BIN2: variants seen among roughly 807,000 people sequenced by gnomAD.
BIN2 encodes breast cancer associated protein BRAP1.
A neutral mutation model predicts 67.9 loss-of-function variants in BIN2; 43 were observed. The observed-to-expected ratio is 0.63, with a 90% CI of 0.50 to 0.82. The LOEUF (loss-of-function observed/expected upper bound fraction) is 0.82. Among genes scored for constraint, BIN2 ranks in the 40% least tolerant of loss-of-function variants. The pLI is 0.00. For synonymous variants in BIN2, 244 were observed against 246.8 expected, an observed-to-expected ratio of 0.99 and a Z score of 0.11; for missense variants, 581 against 671.6, an observed-to-expected ratio of 0.87 and a Z score of 1.49.
intron 1 of BIN2, chr12:51,322,767 G>C (rs1946320318): frequency 6.7e-6 from 1 of 149,586 alleles, no homozygotes; most frequent in Non-Finnish European, 1.5e-5. Context: ...GTTAGGGTAA[G>C]TGAAGTAACG....
Position 51,285,693 on chromosome 12 carries a change from G to T in BIN2, c.1597-906C>A, listed in dbSNP as rs371970453. ...GGCTGGAGTGCAGTGGCGTGATCTT[G>T]GTTCACTGCAACCTCCACCTCCCAG... On this transcript the variant is annotated intron_variant, in intron 11 of 12. Coordinates refer to ENST00000615107, the MANE Select transcript of BIN2 (RefSeq NM_016293.4). Among the ~76,000 whole-genome samples, 39 of 146,746 alleles carry T rather than the reference G, an allele frequency of 2.7e-4. No individual in the cohort carries two copies. In the East Asian group the frequency reaches 7.2e-3, roughly 27 times the overall value.
chr12:51,314,787 G>A (rs951958467), intron 1 of BIN2, among the ~76,000 whole-genome samples: 5 of 147,898 alleles, frequency 3.4e-5, no homozygotes, highest in South Asian at 2.1e-4. Context: ...CAACAAGAGC[G>A]AAACTCTGTC....
At chr12:51,299,087 A>G in intron 7 of BIN2, 116 bp downstream of exon 7, 1 of 621,672 alleles carries the variant, frequency 1.6e-6, no homozygotes, top group Non-Finnish European at 2.7e-6. Context: ...AAAAAAAAAA[A>G]AGGGGGCGGG....
At chr12:51,288,360 T>A (rs1945294835) in intron 10 of BIN2, among the ~76,000 whole-genome samples, 172 bp from the exon 11 acceptor site, 1 of 152,134 alleles carries the variant, frequency 6.6e-6, no homozygotes, top group Admixed American at 6.6e-5. Context: ...GTCAGAAATC[T>A]CACACACTTC....
chr12:51,294,774 C>T (rs11836817), intron 9 of BIN2, among the ~76,000 whole-genome samples: 5,683 of 151,940 alleles, frequency 0.037, 249 homozygotes, highest in African/African-American at 0.11. Context: ...TGTAACATAG[C>T]GGTTACCTTT....
At chr12:51,302,805 C>T in intron 3 of BIN2, 25 bp from the exon 4 acceptor site, 1 of 1,577,532 alleles carries the variant, frequency 6.3e-7, no homozygotes, top group African/African-American at 1.3e-5. Context: ...TTCAGTCCCA[C>T]CATCATGTTT....
chr12:51,318,717 C>G (rs1034136663), intron 1 of BIN2, among the ~76,000 whole-genome samples: 2 of 152,170 alleles, frequency 1.3e-5, no homozygotes, highest in African/African-American at 4.8e-5. Flanking sequence ...ACTTTTGAGC[C>G]TCGGTTTACA....
chr12:51,302,650 A>C (rs1276789484), intron 4 of BIN2, 36 bp downstream of exon 4: 1 of 1,526,880 alleles, frequency 6.5e-7, no homozygotes, highest in South Asian at 1.1e-5. Context: ...AACAGGAGTA[A>C]GTGCCAATAA....
chr12:51,308,195 C>T (rs983310075), intron 2 of BIN2, among the ~76,000 whole-genome samples: 1 of 152,120 alleles, frequency 6.6e-6, no homozygotes, highest in African/African-American at 2.4e-5. Flanking sequence ...CTTGGGTTCT[C>T]GCTTGTCTGG....
chr12:51,286,202 G>T (rs529934957), intron 11 of BIN2, among the ~76,000 whole-genome samples: 4 of 151,880 alleles, frequency 2.6e-5, no homozygotes, highest in African/African-American at 9.7e-5. Flanking sequence ...CCATAATTCT[G>T]CCTGAGAGAA....
In BIN2 at chr12:51,299,215, A is replaced by G; in HGVS notation, c.590T>C (p.Ile197Thr). Residue 197 changes from isoleucine (I) to threonine (T), a missense_variant, in exon 7 of 13, where the codon ATT becomes ACT. Ile to Thr is a moderately conservative substitution (Grantham distance 89). Transcript: ENST00000615107. ...LNQELLEELP[I>T]LYNSRIGCYV... is the part of the protein sequence containing the mutation. ...TTTCAGTCATTACCTATTATAAAGAATAGGCAGCTCCTCTAGTAGTTCTTG... is the reference window on the plus strand; with the variant it reads ...TTTCAGTCATTACCTATTATAAAGAGTAGGCAGCTCCTCTAGTAGTTCTTG... 1 of 1,612,668 alleles carries G rather than the reference A, an allele frequency of 6.2e-7. No individual in the cohort carries two copies. The highest frequency in any genetic ancestry group is 8.5e-7 in the Non-Finnish European group (1 of 1,178,702).
chr12:51,293,734 T>G (rs1479345908), intron 9 of BIN2, among the ~76,000 whole-genome samples: 1 of 152,160 alleles, frequency 6.6e-6, no homozygotes, highest in East Asian at 1.9e-4. Flanking sequence ...GAAAAGATGC[T>G]CAAGGAAACT....
At chr12:51,300,869 C>T (rs1945704878) in intron 5 of BIN2, among the ~76,000 whole-genome samples, 1 of 152,204 alleles carries the variant, frequency 6.6e-6, no homozygotes, top group Admixed American at 6.5e-5. Flanking sequence ...GAACTTAAGT[C>T]AGCCTCCTTC....
chr12:51,308,651 C>T (rs368772521), intron 2 of BIN2, among the ~76,000 whole-genome samples: 15 of 151,862 alleles, frequency 9.9e-5, no homozygotes, highest in East Asian at 1.9e-4. Flanking sequence ...GAGGGAAATA[C>T]GAAGCTAGAT....
chr12:51,306,353 G>A (rs1160960463), intron 2 of BIN2, among the ~76,000 whole-genome samples: 3 of 152,182 alleles, frequency 2.0e-5, no homozygotes, highest in Non-Finnish European at 4.4e-5. Flanking sequence ...TAGGCCAGGC[G>A]AGGTAGCTCA....
chr12:51,281,491 G>T lies in BIN2; in HGVS notation c.*8C>A. On this transcript the variant is annotated 3_prime_UTR_variant, in exon 13 of 13. Transcript: ENST00000615107. ...GTTTGGGGCAGGAGGAGTCTTGGTAGTTTCTCTTCAGAGTTGTGGATTTTC... is the reference window on the plus strand; with the variant it reads ...GTTTGGGGCAGGAGGAGTCTTGGTATTTTCTCTTCAGAGTTGTGGATTTTC... The T allele has an allele frequency of 6.2e-7, 1 of 1,613,870 alleles. No homozygotes were observed. Among genetic ancestry groups the T allele is most frequent in the Non-Finnish European group, 8.5e-7 (1 of 1,179,796 alleles).
chr12:51,306,777 C>A (rs1222138192), intron 2 of BIN2, among the ~76,000 whole-genome samples: 2 of 152,208 alleles, frequency 1.3e-5, no homozygotes, highest in African/African-American at 4.8e-5. Context: ...AGTCAGTTAA[C>A]AAAATTCAGA....
At chr12:51,296,927 A>G (rs905405744) in intron 8 of BIN2, among the ~76,000 whole-genome samples, 162 bp downstream of exon 8, 2 of 152,222 alleles carry the variant, frequency 1.3e-5, no homozygotes, top group East Asian at 1.9e-4. Context: ...ATGTGTTTCA[A>G]TACAGTTAAG....
chr12:51,282,180 T>C (rs976665593), intron 12 of BIN2, among the ~76,000 whole-genome samples: 2 of 152,208 alleles, frequency 1.3e-5, no homozygotes, highest in African/African-American at 4.8e-5. Context: ...AATTCATGGC[T>C]CCATTTTACA....
Sources: gnomAD v4.1 joint callset for allele counts (sites outside exome capture counted in the v4.1 genomes callset) on GRCh38, gnomAD v4.1.1 for gene constraint, MANE v1.5 for transcripts, NCBI Gene and HGNC (gene_info 2026-07-23, HGNC 2026-07-21) for gene names.